MFN2: variants seen among roughly 807,000 people sequenced by gnomAD.
MFN2 encodes mitofusin-2.
Under a neutral mutation model 87.5 loss-of-function variants are expected in MFN2, and 43 were observed. That is an observed-to-expected ratio of 0.49 (90% CI 0.38 to 0.63). MFN2 has a LOEUF of 0.63. MFN2 is among the 30% of genes least tolerant of loss of function. MFN2 has a pLI of 0.00. For missense variants in MFN2, 743 were observed against 972.8 expected (o/e 0.76, Z 3.14); for synonymous variants, 337 against 359.9 (o/e 0.94, Z 0.72).
At chr1:12,002,533 T>A (rs1639224610) in intron 11 of MFN2, among the ~76,000 whole-genome samples, 1 of 152,176 alleles carries the variant, frequency 6.6e-6, no homozygotes, top group South Asian at 2.1e-4. Context: ...ACAAGAATTT[T>A]AAAAATCAGC....
rs547336538 is a variant in MFN2 at position 11,994,344 on chromosome 1, T to C, written c.311+1654T>C. Reference sequence around the variant, plus strand: ...TGGCTCACGCCTGTAATCCCAGCACTTTGGGAGGCCAAGGCAGGCAGATCA... The same window carrying C: ...TGGCTCACGCCTGTAATCCCAGCACCTTGGGAGGCCAAGGCAGGCAGATCA... On this transcript the variant is annotated intron_variant, in intron 4 of 18. Transcript: ENST00000235329. 2.0e-5 allele frequency among the ~76,000 whole-genome samples: 3 copies of C among 152,300 alleles called. 1 individual carries two copies. Among genetic ancestry groups the C allele is most frequent in the African/African-American group, 7.2e-5 (3 of 41,568 alleles).
At chr1:11,990,361 TA>T (rs1210010385) in intron 3 of MFN2, among the ~76,000 whole-genome samples, 1 of 152,226 alleles carries the variant, frequency 6.6e-6, no homozygotes, top group Non-Finnish European at 1.5e-5. Flanking sequence ...AATTTTAAAG[TA>T]GTATGATTGG....
Position 12,002,014 on chromosome 1 carries a change from G to A in MFN2, c.1071G>A (p.Lys357=). The A allele has an allele frequency of 6.2e-7, 1 of 1,614,206 alleles. No individual in the cohort carries two copies. The highest frequency in any genetic ancestry group is 1.7e-5 in the Admixed American group (1 of 60,020). ...ECISQSAVKT[K]FEQHTVRAKQ... ...TCTCCCAGTCTGCAGTGAAGACCAA[G>A]TTTGAGCAGCACACGGTCCGGGCCA... Residue 357 remains lysine, a synonymous_variant, in exon 11 of 19, where the codon AAG becomes AAA. Transcript: ENST00000235329.
chr1:11,999,092 G>C lies in MFN2; in HGVS notation c.813G>C (p.Glu271Asp). The change falls in exon 8 of 19, where the codon GAG becomes GAC. Residue 271 changes from glutamate (E) to aspartate (D), a missense_variant. Around this residue, in one of 3 missense-constraint regions of MFN2, gnomAD observed 571 missense variants for 670.7 expected, o/e 0.85. Transcript: ENST00000235329. The stretch of plus-strand genomic sequence containing the variant: ...CTGCCTCAGAGCCCGAGTACATGGA[G>C]GAGGTTCGTGCTTCTGTTTGGCAGT... ...DASASEPEYMEEVRRQHMERC... is the reference protein window; with the variant it reads ...DASASEPEYMDEVRRQHMERC... 6.2e-7 allele frequency: 1 copy of C among 1,614,078 alleles called. No homozygotes were observed.
Position 12,004,536 on chromosome 1 carries a change from A to G in MFN2, c.1315A>G (p.Arg439Gly), listed in dbSNP as rs565645338. Residue 439 changes from arginine (R) to glycine (G), a missense_variant, in exon 13 of 19, where the codon AGG becomes GGG. Physicochemically the swap from Arg to Gly is moderately radical, Grantham distance 125. Coordinates refer to ENST00000235329, the MANE Select transcript of MFN2 (RefSeq NM_014874.4). The surrounding 1 kb of genome is among the most constrained non-coding windows in gnomAD (Gnocchi z 4.2). ...QVSTAMAEEI[R>G]RLSVLVDDYQ... ...GTCGACTGCAATGGCCGAGGAGATC[A>G]GGCGCCTCTCTGTACTGGTGGACGA... is the stretch of plus-strand genomic sequence containing the variant. 1 of 1,614,154 alleles carries G rather than the reference A, an allele frequency of 6.2e-7. No individual in the cohort carries two copies. Among genetic ancestry groups the G allele is most frequent in the African/African-American group, 1.3e-5 (1 of 75,034 alleles).
intron 2 of MFN2, among the ~76,000 whole-genome samples, chr1:11,982,750 G>T (rs1203143846): frequency 1.3e-5 from 2 of 152,200 alleles, no homozygotes; most frequent in African/African-American, 4.8e-5. Context: ...GCTAATAGCA[G>T]TTTCCATTTA....
Position 12,004,909 on chromosome 1 carries a change from A to C in MFN2, c.1477A>C (p.Met493Leu), listed in dbSNP as rs758215379. 3.7e-6 allele frequency: 6 copies of C among 1,610,682 alleles called. No individual in the cohort carries two copies. The highest frequency in any genetic ancestry group is 4.2e-6 in the Non-Finnish European group (5 of 1,178,506). ...STAITNSLQT[M>L]QQDMIDGLKP... ...GGCCATCACCAACTCCCTGCAGACCATGCAGCAGGACATGATAGGTTAGTG... is the reference window on the plus strand; with the variant it reads ...GGCCATCACCAACTCCCTGCAGACCCTGCAGCAGGACATGATAGGTTAGTG... Residue 493 changes from methionine to leucine, a missense_variant, in exon 14 of 19, where the codon ATG (methionine) becomes CTG (leucine). Coordinates refer to ENST00000235329, the MANE Select transcript of MFN2 (RefSeq NM_014874.4). The surrounding 1 kb of genome is among the most constrained non-coding windows in gnomAD (Gnocchi z 4.2).
At chr1:11,985,195 A>T (rs1278928399) in intron 2 of MFN2, among the ~76,000 whole-genome samples, 1 of 152,150 alleles carries the variant, frequency 6.6e-6, no homozygotes, top group Non-Finnish European at 1.5e-5. Flanking sequence ...GTGGGGAAGA[A>T]ACCCCCTCAC....
At chr1:11,986,625 C>G (rs747309242) in intron 2 of MFN2, among the ~76,000 whole-genome samples, 15 of 145,046 alleles carry the variant, frequency 1.0e-4, no homozygotes, top group Non-Finnish European at 1.5e-4. Flanking sequence ...GAGTCTTGCT[C>G]TATTGCTCAG....
In MFN2 at chr1:12,004,540, G is replaced by A. The variant is rs958009351; in HGVS notation, c.1319G>A (p.Arg440His). The A allele has an allele frequency of 1.2e-5, 19 of 1,614,014 alleles. No homozygotes were observed. The highest frequency in any genetic ancestry group is 7.7e-5 in the South Asian group (7 of 91,080). ...ACTGCAATGGCCGAGGAGATCAGGC[G>A]CCTCTCTGTACTGGTGGACGATTAC... Reference protein sequence around the residue: ...VSTAMAEEIRRLSVLVDDYQM... With the variant: ...VSTAMAEEIRHLSVLVDDYQM... The change falls in exon 13 of 19, where the codon CGC becomes CAC. Residue 440 changes from arginine to histidine, a missense_variant. Arg to His is a conservative substitution (Grantham distance 29, BLOSUM62 0). This residue lies in a region of MFN2 where 571 missense variants were observed against 670.7 expected (regional missense o/e 0.85). Transcript: ENST00000235329. This position sits in a 1 kb window ranked among gnomAD's most constrained non-coding sequence, Gnocchi z 4.2.
intron 4 of MFN2, among the ~76,000 whole-genome samples, chr1:11,994,433 A>C (rs948930382): frequency 6.6e-6 from 1 of 151,744 alleles, no homozygotes; most frequent in African/African-American, 2.4e-5. Flanking sequence ...CTAAAAATAC[A>C]AAAAAAATTA....
chr1:12,001,102 C>G (rs1010346983), intron 8 of MFN2, among the ~76,000 whole-genome samples: 2 of 152,168 alleles, frequency 1.3e-5, no homozygotes, highest in African/African-American at 4.8e-5. Flanking sequence ...ACCTCCGCCT[C>G]CAGGTTCAAG....
chr1:12,005,919 C>T lies in MFN2; in HGVS notation c.1704C>T (p.Gly568=). 6.2e-7 allele frequency: 1 copy of T among 1,613,558 alleles called. No homozygotes were observed. The highest frequency in any genetic ancestry group is 1.3e-5 in the African/African-American group (1 of 75,028). The change falls in exon 15 of 19, where the codon GGC becomes GGT. Residue 568 remains glycine (G), a synonymous_variant. Transcript: ENST00000235329. The stretch of plus-strand genomic sequence containing the variant: ...AGAACAGCCGTCGGGCCTTGATGGG[C>T]TACAATGACCAGGCAAGCAAAGTTC... The part of the protein sequence containing the change: ...GPKNSRRALM[G]YNDQVQRPIP...
At position 12,005,752 on chromosome 1, in the gene MFN2, A is replaced by G. The variant is rs755657087; in HGVS notation, c.1537A>G (p.Ile513Val). 1.9e-6 allele frequency: 3 copies of G among 1,614,084 alleles called. No individual in the cohort carries two copies. The highest frequency in any genetic ancestry group is 2.5e-6 in the Non-Finnish European group (3 of 1,180,048). ...CCTTCCTGTGTCTGTGCGGAGTCAG[A>G]TAGACATGCTGGTCCCACGCCAGTG... Reference protein sequence around the residue: ...PLLPVSVRSQIDMLVPRQCFS... With the variant: ...PLLPVSVRSQVDMLVPRQCFS... Residue 513 changes from isoleucine to valine, a missense_variant, in exon 15 of 19, where the codon ATA becomes GTA. By Grantham distance (29) the Ile-to-Val change is conservative (BLOSUM62 3). Transcript: ENST00000235329.
At chr1:12,006,516 C>T in intron 15 of MFN2, 22 bp from the exon 16 acceptor site, 1 of 1,613,796 alleles carries the variant, frequency 6.2e-7, no homozygotes, top group Non-Finnish European at 8.5e-7. Flanking sequence ...CCCCCTCACC[C>T]CTCTCATGTT....
At chr1:11,992,722 T>C (rs112907247) in intron 4 of MFN2, 32 bp downstream of exon 4, 2 of 1,614,048 alleles carry the variant, frequency 1.2e-6, no homozygotes, top group African/African-American at 1.3e-5. Context: ...CCTTTCTTTC[T>C]TCCTGGCTAG....
rs75138257 is a variant in MFN2, at chr1:11,996,159, G to A, written c.315G>A (p.Thr105=). ...RHMKVAFFGR[T]SNGKSTVINA... ...GACAGCTGTTACTTCCTTCTAGGAC[G>A]AGCAATGGGAAGAGCACCGTGATCA... Residue 105 remains threonine, a synonymous_variant, in exon 5 of 19, where the codon ACG becomes ACA. Coordinates refer to ENST00000235329, the MANE Select transcript of MFN2 (RefSeq NM_014874.4). 6.2e-6 allele frequency: 10 copies of A among 1,614,156 alleles called. No homozygotes were observed. The highest frequency in any genetic ancestry group is 5.3e-5 in the African/African-American group (4 of 75,046).
chr1:12,010,561 G>A (rs542099629), intron 18 of MFN2, among the ~76,000 whole-genome samples: 2 of 152,044 alleles, frequency 1.3e-5, no homozygotes, highest in Admixed American at 6.5e-5. Flanking sequence ...ACTTGGCTGG[G>A]GACTGGCAGA....
intron 4 of MFN2, among the ~76,000 whole-genome samples, chr1:11,994,462 C>T (rs547850707): frequency 7.2e-4 from 109 of 152,090 alleles, no homozygotes; most frequent in Non-Finnish European, 1.4e-3. Flanking sequence ...TGGTGGCGGG[C>T]GCCTGTAGTC....
Sources: gnomAD v4.1 joint callset for allele counts (sites outside exome capture counted in the v4.1 genomes callset) on GRCh38, gnomAD v4.1.1 for gene constraint, gnomAD v4.1.1 regional missense constraint, Gnocchi (gnomAD v3.1) non-coding constraint, MANE v1.5 for transcripts, NCBI Gene and HGNC (gene_info 2026-07-23, HGNC 2026-07-21) for gene names.